The following AHRR variants were observed in gnomAD, a reference collection of about 807,000 sequenced individuals.
AHRR encodes ahR repressor.
In AHRR, 28 loss-of-function variants were observed where a neutral mutation model predicts 44.0. The observed-to-expected ratio is 0.64, with a 90% CI of 0.47 to 0.87. AHRR has a LOEUF of 0.87. AHRR is among the 40% of genes least tolerant of loss of function. AHRR has a pLI of 0.00. For synonymous variants in AHRR, 434 were observed against 407.0 expected (o/e 1.07, Z -0.80); for missense variants, 990 against 953.9 (o/e 1.04, Z -0.50).
intron 4 of AHRR, among the ~76,000 whole-genome samples, chr5:390,243 C>T (rs1398847123): frequency 6.6e-6 from 1 of 152,132 alleles, no homozygotes; most frequent in Non-Finnish European, 1.5e-5. Flanking sequence ...GAGGGATGGA[C>T]ACCCCATCCT....
intron 5 of AHRR, among the ~76,000 whole-genome samples, chr5:415,308 T>A (rs111611552): frequency 9.6e-6 from 1 of 104,630 alleles, no homozygotes; most frequent in South Asian, 3.0e-4. Flanking sequence ...CCTGGTCGGG[T>A]GGGAGGCCTA....
chr5:423,946 G>A lies in AHRR; in HGVS notation c.677G>A (p.Arg226His), dbSNP rs1415522263. 6.9e-6 allele frequency: 11 copies of A among 1,601,168 alleles called. No homozygotes were observed. The highest frequency in any genetic ancestry group is 4.0e-5 in the African/African-American group (3 of 74,922). ...FLTRCFICRVRCLLDSTSGFL... is the reference protein window; with the variant it reads ...FLTRCFICRVHCLLDSTSGFL... ...ACCCGCTGCTTCATCTGCCGTGTGC[G>A]CTGCCTGCTGGACAGCACCTCGGGC... Residue 226 changes from arginine (R) to histidine (H), a missense_variant, in exon 7 of 11, where the codon CGC (arginine) becomes CAC (histidine). Arg to His is a conservative substitution (Grantham distance 29). Transcript: ENST00000684583.
chr5:433,859 G>A lies in AHRR; in HGVS notation c.1119G>A (p.Arg373=). ...VLDPKGGSGD[R]EEEQHRMLSR... is the part of the protein sequence containing the mutation. ...CCCCGTCTTTTCTCTGCAGGGACAG[G>A]GAGGAGGAGCAGCACAGGATGCTGA... Residue 373 remains arginine, a synonymous_variant, in exon 11 of 11, where the codon AGG becomes AGA. Coordinates refer to ENST00000684583, the MANE Select transcript of AHRR (RefSeq NM_001377236.1). The A allele has an allele frequency of 6.7e-7, 1 of 1,493,888 alleles. No individual in the cohort carries two copies. Among genetic ancestry groups the A allele is most frequent in the South Asian group, 1.4e-5 (1 of 72,136 alleles). 92.5% of individuals were successfully genotyped at this position (1,493,888 alleles called of 1,614,324 possible).
chr5:333,883 G>A (rs745471903), intron 1 of AHRR, among the ~76,000 whole-genome samples: 2 of 152,148 alleles, frequency 1.3e-5, no homozygotes, highest in Non-Finnish European at 2.9e-5. Flanking sequence ...CCAAGTTAGG[G>A]CTTCCTTGAG....
intron 8 of AHRR, among the ~76,000 whole-genome samples, chr5:430,382 C>T (rs1013138895): frequency 6.6e-6 from 1 of 152,252 alleles, no homozygotes; most frequent in Non-Finnish European, 1.5e-5. Flanking sequence ...CGCCACTGAG[C>T]CCCCTCTGGG....
intron 7 of AHRR, 87 bp downstream of exon 7, chr5:424,064 G>A (rs983549324): frequency 2.8e-5 from 42 of 1,524,854 alleles, no homozygotes; most frequent in Non-Finnish European, 3.5e-5. Flanking sequence ...GCAAGAGGGG[G>A]TGGGGGCGTT....
intron 4 of AHRR, among the ~76,000 whole-genome samples, chr5:392,103 G>A (rs113568435): frequency 2.1e-4 from 1 of 4,732 alleles, no homozygotes; most frequent in Non-Finnish European, 4.0e-4. Flanking sequence ...GGCGCAGGGC[G>A]AGGCAGGGCC....
At chr5:391,328 C>T (rs59853177) in intron 4 of AHRR, among the ~76,000 whole-genome samples, 25 of 121,486 alleles carry the variant, frequency 2.1e-4, no homozygotes, top group Non-Finnish European at 3.4e-4. Flanking sequence ...CGTGCACGGG[C>T]GCAGGGCGAG....
chr5:414,949 G>A (rs1735654547), intron 5 of AHRR, among the ~76,000 whole-genome samples: 1 of 152,248 alleles, frequency 6.6e-6, no homozygotes, highest in South Asian at 2.1e-4. Flanking sequence ...CAACAGAGGG[G>A]CAGCAGTGCC....
At chr5:376,777 C>A (rs2126445370) in intron 4 of AHRR, 61 bp downstream of exon 4, 1 of 1,413,106 alleles carries the variant, frequency 7.1e-7, no homozygotes, top group Non-Finnish European at 9.7e-7. Context: ...CACGCGTGTT[C>A]AGGCTCAGTC....
intron 7 of AHRR, among the ~76,000 whole-genome samples, chr5:425,141 C>G (rs1193997867): frequency 6.6e-6 from 1 of 152,236 alleles, no homozygotes; most frequent in Admixed American, 6.5e-5. Context: ...TCCTGGGGAC[C>G]TTGGGTGCAG....
At chr5:409,629 C>T (rs1274802009) in intron 4 of AHRR, among the ~76,000 whole-genome samples, 1 of 150,534 alleles carries the variant, frequency 6.6e-6, no homozygotes, top group Non-Finnish European at 1.5e-5. Flanking sequence ...AGTATCTGTG[C>T]AAACGTTTGT....
chr5:392,324 C>T (rs1484371051), intron 4 of AHRR, among the ~76,000 whole-genome samples: 1 of 84,500 alleles, frequency 1.2e-5, no homozygotes, highest in Non-Finnish European at 2.4e-5. Flanking sequence ...CGTGCACGGG[C>T]GCAGGGCGAG....
At position 435,476 on chromosome 5, in the gene AHRR, T is replaced by C. The variant is rs1294804978; in HGVS notation, c.*642T>C. On this transcript the variant is annotated 3_prime_UTR_variant, in exon 11 of 11. Coordinates refer to ENST00000684583, the MANE Select transcript of AHRR (RefSeq NM_001377236.1). Reference sequence around the variant, plus strand: ...AGGCAGCAGAGGCTGGCAGCGTGGGTCCCACACTGCCCCACACCGTGCGGC... The same window carrying C: ...AGGCAGCAGAGGCTGGCAGCGTGGGCCCCACACTGCCCCACACCGTGCGGC... 6.5e-6 allele frequency: 1 copy of C among 152,862 alleles called. No individual in the cohort carries two copies. Among genetic ancestry groups the C allele is most frequent in the African/African-American group, 2.4e-5 (1 of 41,396 alleles). 9.5% of individuals were successfully genotyped at this position (152,862 alleles called of 1,614,324 possible). A position where few individuals can be genotyped will look rare whatever the true frequency, so the allele number is the denominator to read the frequency against.
At chr5:402,160 G>A (rs918490367) in intron 4 of AHRR, among the ~76,000 whole-genome samples, 2 of 152,174 alleles carry the variant, frequency 1.3e-5, no homozygotes, top group Non-Finnish European at 2.9e-5. Context: ...CTTCTCCAAA[G>A]GAGACACAAA....
Position 405,316 on chromosome 5 carries a change from T to C in AHRR, c.352-8028T>C, listed in dbSNP as rs184044826. ...CCTCAGATGCTCCCGTGGATGCAGA[T>C]GTCCTGCGGGGTCCGTTTCCCTTTC... On this transcript the variant is annotated intron_variant, in intron 4 of 10. Coordinates refer to ENST00000684583, the MANE Select transcript of AHRR (RefSeq NM_001377236.1). The surrounding 1 kb of genome is among the most constrained non-coding windows in gnomAD (Gnocchi z 4.5). Among the ~76,000 whole-genome samples the C allele has an allele frequency of 6.6e-6, 1 of 152,274 alleles. No individual in the cohort carries two copies. The highest frequency in any genetic ancestry group is 1.9e-4 in the East Asian group (1 of 5,176).
chr5:418,464 C>G (rs58359354), intron 5 of AHRR, among the ~76,000 whole-genome samples: 3,278 of 152,332 alleles, frequency 0.022, 72 homozygotes, highest in Admixed American at 0.052. Flanking sequence ...CTTTCCAGCT[C>G]TCCTGCACCC....
At chr5:380,415 T>A (rs1329165688) in intron 4 of AHRR, among the ~76,000 whole-genome samples, 1 of 152,178 alleles carries the variant, frequency 6.6e-6, no homozygotes, top group African/African-American at 2.4e-5. Flanking sequence ...GTAAATCAAT[T>A]TGGGGAGCAT....
At position 338,050 on chromosome 5, in the gene AHRR, A is replaced by G. The variant is rs976466178; in HGVS notation, c.-10-5843A>G. Among the ~76,000 whole-genome samples the G allele has an allele frequency of 1.3e-5, 2 of 152,216 alleles. No individual in the cohort carries two copies. Among genetic ancestry groups the G allele is most frequent in the Non-Finnish European group, 2.9e-5 (2 of 68,040 alleles). On this transcript the variant is annotated intron_variant, in intron 1 of 10. Coordinates refer to ENST00000684583, the MANE Select transcript of AHRR (RefSeq NM_001377236.1). This position sits in a 1 kb window ranked among gnomAD's most constrained non-coding sequence, Gnocchi z 4.1. ...CAGGCAACAAACAGGTAGCTGGCAC[A>G]GCTTCTGAGTACTGTCACCTCACTT... is the stretch of plus-strand genomic sequence containing the variant.
Sources: gnomAD v4.1 joint callset for allele counts (sites outside exome capture counted in the v4.1 genomes callset) on GRCh38, gnomAD v4.1.1 for gene constraint, Gnocchi (gnomAD v3.1) non-coding constraint, MANE v1.5 for transcripts, NCBI Gene and HGNC (gene_info 2026-07-23, HGNC 2026-07-21) for gene names.